MCM5: variants seen among roughly 807,000 people sequenced by gnomAD.
The protein encoded by MCM5 is minichromosome maintenance complex component 5.
In MCM5, 46 loss-of-function variants were observed where a neutral mutation model predicts 79.9. The ratio of observed to expected loss-of-function variants is 0.58; its 90% CI spans 0.45 to 0.74. MCM5 has a LOEUF of 0.74. MCM5 is among the 30% of genes least tolerant of loss of function. The probability of loss-of-function intolerance (pLI) is 0.00; values close to 1 mark genes in which losing one functional copy is unlikely to be tolerated. For missense variants in MCM5, 883 were observed against 1,017.0 expected, an observed-to-expected ratio of 0.87 and a Z score of 1.79; for synonymous variants, 404 against 390.5, an observed-to-expected ratio of 1.03 and a Z score of -0.41.
chr22:35,438,938 TTC>T, the MCM5 span, among the ~76,000 whole-genome samples: 1 of 146,862 alleles, frequency 6.8e-6, no homozygotes, highest in African/African-American at 2.5e-5. Flanking sequence ...CATCCATCCA[TTC>T]ATCCATCCAT....
At chr22:35,431,829 C>T in the MCM5 span, among the ~76,000 whole-genome samples, 2 of 152,170 alleles carry the variant, frequency 1.3e-5, no homozygotes, top group Non-Finnish European at 2.9e-5. Flanking sequence ...TCCCTCTGTG[C>T]CTCTCCTCCT....
the MCM5 span, among the ~76,000 whole-genome samples, chr22:35,435,335 CCTGG>C: frequency 6.6e-6 from 1 of 151,980 alleles, no homozygotes; most frequent in Non-Finnish European, 1.5e-5. Flanking sequence ...TGACAATGAC[CCTGG>C]CTGTCTCTCA....
At chr22:35,412,799 C>G in intron 8 of MCM5, 118 bp downstream of exon 8, 1 of 909,168 alleles carries the variant, frequency 1.1e-6, no homozygotes, top group African/African-American at 1.7e-5. Flanking sequence ...GCCCCTCAGT[C>G]TGCCAGGCAC....
intron 4 of MCM5, among the ~76,000 whole-genome samples, chr22:35,406,293 G>GCCCCCC (rs751051553): frequency 6.7e-5 from 6 of 89,798 alleles, no homozygotes; most frequent in Non-Finnish European, 1.1e-4. Flanking sequence ...CTCTTGCCCT[G>GCCCCCC]CCACCTCCCC....
rs1268715428 is a variant in MCM5 at position 35,408,484 on chromosome 22, C to G, written c.673C>G (p.Gln225Glu). 2 of 1,614,244 alleles carry G rather than the reference C, an allele frequency of 1.2e-6. No homozygotes were observed. The highest frequency in any genetic ancestry group is 1.6e-4 in the Middle Eastern group (1 of 6,062). Residue 225 changes from glutamine to glutamate, a missense_variant, in exon 6 of 17, where the codon CAG becomes GAG. Physicochemically the swap from Gln to Glu is conservative, Grantham distance 29 (BLOSUM62 2). This residue lies in a region of MCM5 where 455 missense variants were observed against 517.5 expected (regional missense o/e 0.88). Coordinates refer to ENST00000216122, the MANE Select transcript of MCM5 (RefSeq NM_006739.4). ...CGACAAATGCAAATGCGTGGACTTCCAGACCCTGAAGCTGCAGGAGCTGCC... is the reference window on the plus strand; with the variant it reads ...CGACAAATGCAAATGCGTGGACTTCGAGACCCTGAAGCTGCAGGAGCTGCC... ...MPDKCKCVDF[Q>E]TLKLQELPDA...
the MCM5 span, among the ~76,000 whole-genome samples, chr22:35,443,575 T>C: frequency 6.6e-6 from 1 of 152,186 alleles, no homozygotes; most frequent in Non-Finnish European, 1.5e-5. Context: ...TGTGAATCTT[T>C]TCCTGCCTGA....
At chr22:35,439,369 A>G in the MCM5 span, among the ~76,000 whole-genome samples, 1 of 150,512 alleles carries the variant, frequency 6.6e-6, no homozygotes, top group Non-Finnish European at 1.5e-5. Flanking sequence ...TCACCCACAT[A>G]TTCATCCATC....
In MCM5 at chr22:35,412,514, C is replaced by T; in HGVS notation, c.924C>T (p.Arg308=). Reference sequence around the variant, plus strand: ...GCGCCTGCTTTGCCTACCAAGGCCGCAGCTTTGCTGGGGCCGTGAGCCCCC... The same window carrying T: ...GCGCCTGCTTTGCCTACCAAGGCCGTAGCTTTGCTGGGGCCGTGAGCCCCC... ...GIQVDTDGSG[R]SFAGAVSPQE... Residue 308 remains arginine, a synonymous_variant, in exon 8 of 17, where the codon CGC becomes CGT. Transcript: ENST00000216122. The T allele has an allele frequency of 6.5e-7, 1 of 1,548,560 alleles. No homozygotes were observed. Among genetic ancestry groups the T allele is most frequent in the Non-Finnish European group, 8.7e-7 (1 of 1,146,864 alleles).
intron 13 of MCM5, among the ~76,000 whole-genome samples, chr22:35,418,674 T>C (rs1404295539): frequency 1.5e-5 from 2 of 130,976 alleles, no homozygotes; most frequent in Admixed American, 1.5e-4. Context: ...AAAAAAAATA[T>C]ATATATATGT....
rs1932521760 is a variant in MCM5, at chr22:35,415,770, C to T, written c.1204-59C>T. 31 of 1,579,034 alleles carry T rather than the reference C, an allele frequency of 2.0e-5. No individual in the cohort carries two copies. In the South Asian group the frequency reaches 3.5e-4, roughly 18 times the overall value. On this transcript the variant is annotated intron_variant, in intron 9 of 16. Transcript: ENST00000216122. ...TCACAACCTCAGTGGGTCTTTTTGT[C>T]TTATGGGGGTCAAAGCATGGAGTTG...
chr22:35,409,833 A>T (rs1932324511), intron 6 of MCM5: 1 of 152,272 alleles, frequency 6.6e-6, no homozygotes, highest in South Asian at 2.1e-4. Context: ...CAGTTTCCTC[A>T]TCAGTAAAAT....
rs377519794 is a variant in MCM5, at chr22:35,421,302, G to A, written c.1833-16G>A. On this transcript the variant is annotated splice_polypyrimidine_tract_variant and intron_variant, in intron 14 of 16. Transcript: ENST00000216122. ...AGCGGACCGAGGCTACCCTGAGCAC[G>A]CTGTTGCCCCCACAGGCAGCTGGAG... 47 of 1,609,716 alleles carry A rather than the reference G, an allele frequency of 2.9e-5. No homozygotes were observed. The African/African-American group carries it at 4.3e-4, about 15-fold the overall frequency.
chr22:35,452,897 TC>T, the MCM5 span, among the ~76,000 whole-genome samples: 12 of 152,060 alleles, frequency 7.9e-5, no homozygotes, highest in Non-Finnish European at 2.9e-5. Context: ...ACCAGCGGCT[TC>T]CTTCATGTCA....
In MCM5 at chr22:35,411,551, T is replaced by G. The variant is rs942264759; in HGVS notation, c.919+641T>G. ...GTCTAGGGGATGAGGGGCCAGGTGG[T>G]GTAAGAGGCCTTGAGTGCCGAGATG... is the stretch of plus-strand genomic sequence containing the variant. On this transcript the variant is annotated intron_variant, in intron 7 of 16. Coordinates refer to ENST00000216122, the MANE Select transcript of MCM5 (RefSeq NM_006739.4). The G allele has an allele frequency of 2.2e-4, 33 of 152,200 alleles. 1 individual carries two copies. The highest frequency in any genetic ancestry group is 2.1e-3 in the Admixed American group (32 of 15,252). 9.4% of individuals were successfully genotyped at this position (152,200 alleles called of 1,614,324 possible). A position where few individuals can be genotyped will look rare whatever the true frequency, so the allele number is the denominator to read the frequency against.
At chr22:35,402,662 C>T (rs1932093661) in intron 2 of MCM5, among the ~76,000 whole-genome samples, 1 of 152,088 alleles carries the variant, frequency 6.6e-6, no homozygotes, top group African/African-American at 2.4e-5. Flanking sequence ...CAGGCATTCT[C>T]ATGCCTCAGT....
At chr22:35,423,652 G>A (rs936692250) in intron 16 of MCM5, 5 of 234,412 alleles carry the variant, frequency 2.1e-5, no homozygotes, top group Non-Finnish European at 4.1e-5. Flanking sequence ...GTTGGCGGGC[G>A]TTTCATGGAG....
the MCM5 span, among the ~76,000 whole-genome samples, chr22:35,448,953 C>T: frequency 6.6e-6 from 1 of 152,194 alleles, no homozygotes. Flanking sequence ...GGGACACTCA[C>T]TTCTGCCCAC....
chr22:35,401,448 A>G (rs1932048107), intron 2 of MCM5: 2 of 470,998 alleles, frequency 4.2e-6, no homozygotes, highest in Non-Finnish European at 8.8e-6. Flanking sequence ...CTGAAGCTGG[A>G]CCTGGCTCCT....
rs762807717 is a variant in MCM5 at position 35,421,504 on chromosome 22, C to G, written c.1975+44C>G. ...CATGGTCTCAATTGATCTGGGTTCCCTGGCTCGGAGCTCTGTGGGCAGGGC... is the reference window on the plus strand; with the variant it reads ...CATGGTCTCAATTGATCTGGGTTCCGTGGCTCGGAGCTCTGTGGGCAGGGC... On this transcript the variant is annotated intron_variant, in intron 15 of 16. Coordinates refer to ENST00000216122, the MANE Select transcript of MCM5 (RefSeq NM_006739.4). 5.6e-6 allele frequency: 9 copies of G among 1,612,760 alleles called. No homozygotes were observed. In the South Asian group the frequency reaches 8.8e-5, roughly 16 times the overall value.
Sources: gnomAD v4.1 joint callset for allele counts (sites outside exome capture counted in the v4.1 genomes callset) on GRCh38, gnomAD v4.1.1 for gene constraint, gnomAD v4.1.1 regional missense constraint, MANE v1.5 for transcripts, NCBI Gene and HGNC (gene_info 2026-07-23, HGNC 2026-07-21) for gene names.